Variants in UTP20 observed in about 807,000 individuals in gnomAD.
UTP20 encodes UTP20 small subunit processome component, also known as small subunit processome component 20 homolog.
In UTP20, 164 loss-of-function variants were observed where a neutral mutation model predicts 329.5. That is an observed-to-expected ratio of 0.50 (90% CI 0.44 to 0.57). The LOEUF (loss-of-function observed/expected upper bound fraction) is 0.57, where lower values mean the gene tolerates loss of function less well. UTP20 is among the 20% of genes least tolerant of loss of function. The pLI, the probability that UTP20 is intolerant of heterozygous loss-of-function variation, is 0.00. For synonymous variants in UTP20, 1,151 were observed against 1,159.3 expected, an observed-to-expected ratio of 0.99 and a Z score of 0.14; for missense variants, 3,055 against 3,284.2, an observed-to-expected ratio of 0.93 and a Z score of 1.71.
At chr12:101,355,532 AG>A (rs766464663) in intron 41 of UTP20, among the ~76,000 whole-genome samples, 1 of 152,180 alleles carries the variant, frequency 6.6e-6, no homozygotes, top group Non-Finnish European at 1.5e-5. Context: ...CTTCCTTCTC[AG>A]GGTGAAACAC....
In UTP20 at chr12:101,317,572, C is replaced by T; in HGVS notation, c.2647C>T (p.Pro883Ser). 1 of 1,614,138 alleles carries T rather than the reference C, an allele frequency of 6.2e-7. No homozygotes were observed. The highest frequency in any genetic ancestry group is 1.1e-5 in the South Asian group (1 of 91,082). The change falls in exon 22 of 62, where the codon CCT (proline) becomes TCT (serine). Residue 883 changes from proline (P) to serine (S), a missense_variant. Physicochemically the swap from Pro to Ser is moderately conservative, Grantham distance 74 (BLOSUM62 -1). Transcript: ENST00000261637. ...GGTGGCAGAGGAAATCGAAGAGGAA[C>T]CTGCCGCAGGAGATGATGAAGAGTT... Reference protein sequence around the residue: ...GMVAEEIEEEPAAGDDEELEE... With the variant: ...GMVAEEIEEESAAGDDEELEE...
In UTP20 at chr12:101,371,350, C is replaced by G. The variant is rs138050685; in HGVS notation, c.6798+182C>G. On this transcript the variant is annotated intron_variant, in intron 51 of 61. Transcript: ENST00000261637. The stretch of plus-strand genomic sequence containing the variant: ...CTTTTTCTGGGGACTGACAGGCAGG[C>G]CAAAATTTGAAGGAAGAAAAAGGCT... Among the ~76,000 whole-genome samples the G allele has an allele frequency of 4.0e-5, 6 of 151,810 alleles. No individual in the cohort carries two copies. In the East Asian group the frequency reaches 1.2e-3, roughly 29 times the overall value.
chr12:101,347,286 GCC>G (rs1440642190), intron 38 of UTP20, among the ~76,000 whole-genome samples: 23 of 152,308 alleles, frequency 1.5e-4, no homozygotes, highest in Non-Finnish European at 2.6e-4. Flanking sequence ...ACTTTAGGAG[GCC>G]GAGGCAGGTG....
chr12:101,333,219 C>G, intron 27 of UTP20, 82 bp from the exon 28 acceptor site: 1 of 1,383,798 alleles, frequency 7.2e-7, no homozygotes, highest in Non-Finnish European at 9.8e-7. Context: ...TCTTAGCCAC[C>G]TGAGCAAGAG....
chr12:101,337,239 A>G (rs1482067769), intron 29 of UTP20, among the ~76,000 whole-genome samples: 1 of 152,266 alleles, frequency 6.6e-6, no homozygotes. Flanking sequence ...AGAAAGATGT[A>G]TGAATATAAC....
At chr12:101,328,199 G>A (rs1342058922) in intron 26 of UTP20, among the ~76,000 whole-genome samples, 1 of 152,180 alleles carries the variant, frequency 6.6e-6, no homozygotes, top group East Asian at 1.9e-4. Flanking sequence ...CCCTGTAAAG[G>A]AGGTTGGCTC....
chr12:101,281,104 T>C lies in UTP20; in HGVS notation c.46-12T>C. The C allele has an allele frequency of 6.2e-7, 1 of 1,603,764 alleles. No individual in the cohort carries two copies. The highest frequency in any genetic ancestry group is 8.5e-7 in the Non-Finnish European group (1 of 1,172,280). ...AATTAATTATGTATCTTAAATATAC[T>C]TTCCCTTCCAGTTTCTTACATTTGC... On this transcript the variant is annotated splice_polypyrimidine_tract_variant and intron_variant, in intron 1 of 61. Transcript: ENST00000261637.
chr12:101,356,760 G>T, intron 42 of UTP20, 67 bp downstream of exon 42: 2 of 1,550,000 alleles, frequency 1.3e-6, no homozygotes, highest in South Asian at 2.5e-5. Flanking sequence ...CCTTACTTTT[G>T]AGTCTCTTTT....
rs201584446 is a variant in UTP20, at chr12:101,373,416, C to T, written c.6894C>T (p.Thr2298=). ...CTTCCCCTAGTTACGAACATGAGAC[C>T]GGGAGAGAGTCCACCTTGGAAATGA... ...MLAQLNYEHE[T]GRESTLEMIA... is the part of the protein sequence containing the mutation. Residue 2298 remains threonine, a synonymous_variant, in exon 53 of 62, where the codon ACC becomes ACT. Transcript: ENST00000261637. The T allele has an allele frequency of 4.3e-5, 69 of 1,614,062 alleles. No homozygotes were observed. The Middle Eastern group carries it at 6.6e-4, about 15-fold the overall frequency.
rs367851970 is a variant in UTP20 at position 101,365,466 on chromosome 12, A to T, written c.5966A>T (p.Gln1989Leu). Residue 1989 changes from glutamine (Q) to leucine (L), a missense_variant, in exon 46 of 62, where the codon CAA (glutamine) becomes CTA (leucine). Gln to Leu is a moderately radical substitution (Grantham distance 113, BLOSUM62 -2). Around this residue, in one of 3 missense-constraint regions of UTP20, gnomAD observed 2,445 missense variants for 2,575.5 expected, o/e 0.95. Transcript: ENST00000261637. ...TTTATGTTTTGCCTTTAGATCTTAC[A>T]AAATACCACGAGTTTGAAACTGGCC... ...KLILPLKEIL[Q>L]NTTSLKLARK... The T allele has an allele frequency of 2.5e-6, 4 of 1,603,112 alleles. No homozygotes were observed. The highest frequency in any genetic ancestry group is 2.7e-5 in the African/African-American group (2 of 74,294).
intron 54 of UTP20, 138 bp downstream of exon 54, chr12:101,373,905 T>A: frequency 9.4e-7 from 1 of 1,062,988 alleles, no homozygotes; most frequent in East Asian, 2.7e-5. Context: ...ATGCAAATAG[T>A]ATATTCTTAA....
chr12:101,335,160 CA>C (rs1202871108), intron 29 of UTP20, among the ~76,000 whole-genome samples: 4 of 152,070 alleles, frequency 2.6e-5, no homozygotes, highest in African/African-American at 9.7e-5. Context: ...GGAGACTTTT[CA>C]TAATACATCC....
chr12:101,364,840 G>A (rs1191323853), intron 45 of UTP20, among the ~76,000 whole-genome samples: 1 of 152,166 alleles, frequency 6.6e-6, no homozygotes, highest in Non-Finnish European at 1.5e-5. Flanking sequence ...AGTCAACAGA[G>A]CACATATATC....
chr12:101,355,258 C>T, intron 41 of UTP20, 140 bp downstream of exon 41: 1 of 947,148 alleles, frequency 1.1e-6, no homozygotes, highest in Non-Finnish European at 1.5e-6. Flanking sequence ...CAATTCACCC[C>T]TCTACTCTTA....
At chr12:101,328,868 CAAAA>C (rs34117186) in intron 26 of UTP20, among the ~76,000 whole-genome samples, 1 of 106,026 alleles carries the variant, frequency 9.4e-6, no homozygotes, top group Non-Finnish European at 2.0e-5. Context: ...GACTCTGTCT[CAAAA>C]AAAAAAAAAA....
intron 17 of UTP20, among the ~76,000 whole-genome samples, chr12:101,307,071 G>A (rs1415227780): frequency 3.3e-5 from 5 of 151,574 alleles, no homozygotes; most frequent in East Asian, 1.9e-4. Flanking sequence ...CCAGCTACTC[G>A]GGAGGCTGAG....
In UTP20 at chr12:101,383,163, C is replaced by T. The variant is rs202199150; in HGVS notation, c.7779C>T (p.Ala2593=). Residue 2593 remains alanine, a synonymous_variant, in exon 59 of 62, where the codon GCC becomes GCT. Coordinates refer to ENST00000261637, the MANE Select transcript of UTP20 (RefSeq NM_014503.3). ...AAGAAGCTTTAGAAGATGGTGTGGC[C>T]TGTGCAGATGAGAAGGCGGAGTCTG... The part of the protein sequence containing the change: ...EEQEALEDGV[A]CADEKAESDG... 6.2e-6 allele frequency: 10 copies of T among 1,613,924 alleles called. No individual in the cohort carries two copies. The East Asian group carries it at 2.0e-4, about 32-fold the overall frequency.
At chr12:101,375,799 C>T in intron 56 of UTP20, 43 bp downstream of exon 56, 5 of 1,216,368 alleles carry the variant, frequency 4.1e-6, no homozygotes, top group Non-Finnish European at 5.9e-6. Context: ...CATTTGTTGT[C>T]ATAGAATTAC....
chr12:101,301,267 C>G (rs1213431929), intron 14 of UTP20, among the ~76,000 whole-genome samples: 2 of 152,156 alleles, frequency 1.3e-5, no homozygotes, highest in Non-Finnish European at 2.9e-5. Flanking sequence ...GGCCTGTAAT[C>G]CCAGCACTTT....
Sources: allele counts gnomAD v4.1 joint callset (sites outside exome capture counted in the v4.1 genomes callset), GRCh38; gene constraint gnomAD v4.1.1; regional missense constraint gnomAD v4.1.1; transcripts MANE v1.5; gene names NCBI Gene and HGNC (gene_info 2026-07-23, HGNC 2026-07-21).